Variants in DENND4C observed in about 807,000 individuals in gnomAD.
DENND4C encodes DENN domain containing 4C.
DENND4C carries 108 observed loss-of-function variants against 203.0 expected under a neutral mutation model. The ratio of observed to expected loss-of-function variants is 0.53; its 90% confidence interval spans 0.46 to 0.62. The LOEUF is 0.62. Ranked by LOEUF, DENND4C falls within the 20% of genes least tolerant of loss-of-function variation. DENND4C has a pLI of 0.00. For missense variants in DENND4C, 2,481 were observed against 2,301.2 expected (o/e 1.08, Z -1.60); for synonymous variants, 871 against 792.4 (o/e 1.10, Z -1.67).
Position 19,360,455 on chromosome 9 carries a change from T to C in DENND4C, c.5372T>C (p.Ile1791Thr). Residue 1791 changes from isoleucine to threonine, a missense_variant, in exon 29 of 33, where the codon ATC becomes ACC. Coordinates refer to ENST00000434457, the MANE Select transcript of DENND4C (RefSeq NM_001330640.2). ...CTTCCTAGTAACTTGCCAGGACTTA[T>C]CCTCACATCTGAACATTGTAATGAA... is the stretch of plus-strand genomic sequence containing the variant. ...LDLPSNLPGLILTSEHCNEGV... is the reference protein window; with the variant it reads ...LDLPSNLPGLTLTSEHCNEGV... The C allele has an allele frequency of 1.2e-6, 2 of 1,614,154 alleles. No homozygotes were observed. Among genetic ancestry groups the C allele is most frequent in the African/African-American group, 1.3e-5 (1 of 75,054 alleles).
chr9:19,302,225 G>C (rs1838737424), intron 9 of DENND4C, among the ~76,000 whole-genome samples: 1 of 152,090 alleles, frequency 6.6e-6, no homozygotes, highest in African/African-American at 2.4e-5. Flanking sequence ...GAAAAGAATG[G>C]TTACAAAACA....
intron 31 of DENND4C, chr9:19,370,190 G>A (rs903734352): frequency 1.4e-5 from 8 of 579,990 alleles, no homozygotes; most frequent in Non-Finnish European, 1.4e-5. Flanking sequence ...TGGCACGGTG[G>A]CTCACACCTG....
chr9:19,325,481 A>C (rs1398825660), intron 13 of DENND4C, among the ~76,000 whole-genome samples: 1 of 152,146 alleles, frequency 6.6e-6, no homozygotes, highest in Non-Finnish European at 1.5e-5. Context: ...CCCCCTCATG[A>C]TTCATATGCC....
chr9:19,268,493 A>G (rs987319420), intron 1 of DENND4C, among the ~76,000 whole-genome samples: 3 of 152,136 alleles, frequency 2.0e-5, no homozygotes, highest in East Asian at 3.8e-4. Context: ...TATTCTCTAT[A>G]TGTTTGTCTA....
At chr9:19,301,851 C>T (rs1380357759) in intron 9 of DENND4C, among the ~76,000 whole-genome samples, 3 of 152,106 alleles carry the variant, frequency 2.0e-5, no homozygotes, top group African/African-American at 4.8e-5. Context: ...GCAGGAAAAT[C>T]GCCTAAACCC....
intron 6 of DENND4C, among the ~76,000 whole-genome samples, chr9:19,296,796 A>G (rs1488327297): frequency 6.6e-6 from 1 of 151,604 alleles, no homozygotes; most frequent in African/African-American, 2.4e-5. Context: ...CTTCCTATTT[A>G]TTCTCTAATA....
rs576156094 is a variant in DENND4C, at chr9:19,286,451, T to C, written c.306-318T>C. 5.9e-5 allele frequency among the ~76,000 whole-genome samples: 9 copies of C among 152,328 alleles called. No individual in the cohort carries two copies. In the East Asian group the frequency reaches 1.7e-3, roughly 29 times the overall value. ...CTTCTAGGAATTGACCTGAAGATGT[T>C]TGTGGTGTTGCCCCTTTCTTTTTTC... On this transcript the variant is annotated intron_variant, in intron 2 of 32. Transcript: ENST00000434457.
chr9:19,366,498 G>A (rs1470296541), intron 30 of DENND4C, among the ~76,000 whole-genome samples: 1 of 152,152 alleles, frequency 6.6e-6, no homozygotes, highest in African/African-American at 2.4e-5. Flanking sequence ...CAGCTAGTCG[G>A]GAGGCTGAGG....
chr9:19,343,715 A>T (rs1822184791), intron 22 of DENND4C, among the ~76,000 whole-genome samples: 1 of 152,226 alleles, frequency 6.6e-6, no homozygotes, highest in Non-Finnish European at 1.5e-5. Context: ...ACTGGGGAAA[A>T]GGAGGGAAGA....
Position 19,357,936 on chromosome 9 carries a change from A to G in DENND4C, c.4965-29A>G, listed in dbSNP as rs150023755. On this transcript the variant is annotated intron_variant, in intron 27 of 32. Transcript: ENST00000434457. The stretch of plus-strand genomic sequence containing the variant: ...ATTTAGACTGTTTTTCAACATGAAC[A>G]TAGCATTTCTTCTATATTTATTTTT... The G allele has an allele frequency of 2.0e-4, 314 of 1,532,284 alleles. No individual in the cohort carries two copies. The African/African-American group carries it at 3.7e-3, about 18-fold the overall frequency. 94.9% of individuals were successfully genotyped at this position (1,532,284 alleles called of 1,614,324 possible). A position where few individuals can be genotyped will look rare whatever the true frequency, so the allele number is the denominator to read the frequency against.
chr9:19,290,972 G>A, intron 5 of DENND4C, 96 bp downstream of exon 5: 1 of 1,251,304 alleles, frequency 8.0e-7, no homozygotes, highest in Non-Finnish European at 1.1e-6. Flanking sequence ...GGATTATTTG[G>A]ACATGATACA....
intron 9 of DENND4C, among the ~76,000 whole-genome samples, chr9:19,302,745 T>G (rs1468903580): frequency 6.6e-6 from 1 of 152,216 alleles, no homozygotes; most frequent in Non-Finnish European, 1.5e-5. Context: ...TCTTGCTCAC[T>G]CTTCTCCAGC....
chr9:19,356,315 T>C (rs1825388687), intron 26 of DENND4C, among the ~76,000 whole-genome samples: 2 of 152,166 alleles, frequency 1.3e-5, no homozygotes, highest in South Asian at 2.1e-4. Context: ...TAAATTGATA[T>C]ACAGCAAAAT....
chr9:19,354,139 A>G (rs559177031), intron 26 of DENND4C, among the ~76,000 whole-genome samples: 2 of 152,162 alleles, frequency 1.3e-5, no homozygotes, highest in African/African-American at 2.4e-5. Context: ...AATCTGGGTT[A>G]CTATATGTAC....
Position 19,336,835 on chromosome 9 carries a change from AC to A in DENND4C, c.2881+4del. ...CATTGATAATCACTCTAGCACAGGTACTAAAATCCAGATTTTACTAACCCTT... is the reference window on the plus strand; with the variant it reads ...CATTGATAATCACTCTAGCACAGGTATAAAATCCAGATTTTACTAACCCTT... On this transcript the variant is annotated splice_donor_region_variant and intron_variant, in intron 20 of 32. Transcript: ENST00000434457. The A allele has an allele frequency of 6.5e-7, 1 of 1,544,130 alleles. No homozygotes were observed. Among genetic ancestry groups the A allele is most frequent in the East Asian group, 2.5e-5 (1 of 40,780 alleles).
At chr9:19,297,166 A>G (rs1279225719) in intron 6 of DENND4C, among the ~76,000 whole-genome samples, 2 of 152,198 alleles carry the variant, frequency 1.3e-5, no homozygotes, top group African/African-American at 4.8e-5. Flanking sequence ...GTATTAAAGT[A>G]TGTGTAAGCT....
At chr9:19,258,577 A>G (rs1333649241) in intron 1 of DENND4C, among the ~76,000 whole-genome samples, 1 of 147,916 alleles carries the variant, frequency 6.8e-6, no homozygotes, top group Non-Finnish European at 1.5e-5. Context: ...TTAACAAATA[A>G]AAGAAAAGCC....
intron 1 of DENND4C, among the ~76,000 whole-genome samples, chr9:19,257,797 CAA>C (rs1277768644): frequency 2.0e-5 from 3 of 152,084 alleles, no homozygotes; most frequent in African/African-American, 7.2e-5. Flanking sequence ...GATGGAATGA[CAA>C]ATTCCTTGAA....
chr9:19,257,178 T>TA (rs926373144), intron 1 of DENND4C, among the ~76,000 whole-genome samples: 1 of 148,574 alleles, frequency 6.7e-6, no homozygotes, highest in Non-Finnish European at 1.5e-5. Flanking sequence ...AAAACGGCTA[T>TA]AAAAAAATAT....
Sources: allele counts gnomAD v4.1 joint callset (sites outside exome capture counted in the v4.1 genomes callset), GRCh38; gene constraint gnomAD v4.1.1; transcripts MANE v1.5; gene names NCBI Gene and HGNC (gene_info 2026-07-23, HGNC 2026-07-21).